RNLS: variants seen among roughly 807,000 people sequenced by gnomAD.
The protein encoded by RNLS is renalase, FAD dependent amine oxidase.
RNLS carries 39 observed loss-of-function variants against 39.8 expected under a neutral mutation model. The observed-to-expected ratio is 0.98, with a 90% confidence interval of 0.76 to 1.28. The LOEUF (loss-of-function observed/expected upper bound fraction) is 1.28. Ranked by LOEUF, RNLS falls within the 50% of genes most tolerant of loss-of-function variation. RNLS has a pLI of 0.00. For synonymous variants in RNLS, 147 were observed against 150.7 expected (o/e 0.98, Z 0.18); for missense variants, 410 against 413.3 (o/e 0.99, Z 0.07).
chr10:88,395,825 G>A (rs763640454), intron 4 of RNLS, among the ~76,000 whole-genome samples: 1 of 152,032 alleles, frequency 6.6e-6, no homozygotes. Flanking sequence ...AAGACAAAGA[G>A]AATCTTGAAG....
Position 88,331,483 on chromosome 10 carries a change from A to T in RNLS, c.701-16842T>A, listed in dbSNP as rs370847052. 2.0e-5 allele frequency among the ~76,000 whole-genome samples: 3 copies of T among 152,248 alleles called. No individual in the cohort carries two copies. The East Asian group carries it at 5.8e-4, about 29-fold the overall frequency. ...ATTTGTTGCCATGAGACACAGTATT[A>T]AGGTCTTTCAAGAGTTTACATCTTA... On this transcript the variant is annotated intron_variant, in intron 5 of 6. Transcript: ENST00000331772.
chr10:88,427,211 T>C (rs1003927800), intron 4 of RNLS, among the ~76,000 whole-genome samples: 1 of 152,030 alleles, frequency 6.6e-6, no homozygotes, highest in Non-Finnish European at 1.5e-5. Flanking sequence ...TCATTATCCC[T>C]ACAATTACCT....
At chr10:88,409,481 A>C (rs2133691718) in intron 4 of RNLS, among the ~76,000 whole-genome samples, 1 of 152,286 alleles carries the variant, frequency 6.6e-6, no homozygotes, top group Middle Eastern at 3.4e-3. Flanking sequence ...AGATTCTGTG[A>C]GTCATGAGAG....
Position 88,284,574 on chromosome 10 carries a change from G to A in RNLS, c.*780C>T. ...AACTCGACACAGTCTAAATGCCACA[G>A]CACATACTGGAGAACCCATAAAGTA... On this transcript the variant is annotated 3_prime_UTR_variant, in exon 7 of 7. Coordinates refer to ENST00000331772, the MANE Select transcript of RNLS (RefSeq NM_001031709.3). 9 of 985,174 alleles carry A rather than the reference G, an allele frequency of 9.1e-6. No individual in the cohort carries two copies. Among genetic ancestry groups the A allele is most frequent in the Non-Finnish European group, 1.1e-5 (9 of 829,756 alleles). The allele number at this position is 985,174 out of a possible 1,614,324, so 61.0% of individuals were successfully genotyped here. A position where few individuals can be genotyped will look rare whatever the true frequency, so the allele number is the denominator to read the frequency against.
At chr10:88,387,375 T>G (rs1423891971) in intron 4 of RNLS, among the ~76,000 whole-genome samples, 1 of 151,944 alleles carries the variant, frequency 6.6e-6, no homozygotes, top group Non-Finnish European at 1.5e-5. Context: ...CCAGAAGGAA[T>G]AGAGAGCTCT....
Position 88,284,673 on chromosome 10 carries a change from C to A in RNLS, c.*681G>T. Reference sequence around the variant, plus strand: ...CTCTCTGTTTCTATTTAATTTTTATCTTTCATATTAGGACTGGAATTTGTT... The same window carrying A: ...CTCTCTGTTTCTATTTAATTTTTATATTTCATATTAGGACTGGAATTTGTT... On this transcript the variant is annotated 3_prime_UTR_variant, in exon 7 of 7. Coordinates refer to ENST00000331772, the MANE Select transcript of RNLS (RefSeq NM_001031709.3). 1 of 985,030 alleles carries A rather than the reference C, an allele frequency of 1.0e-6. No individual in the cohort carries two copies. Among genetic ancestry groups the A allele is most frequent in the Non-Finnish European group, 1.2e-6 (1 of 829,664 alleles). 61.0% of individuals were successfully genotyped at this position (985,030 alleles called of 1,614,324 possible).
At chr10:88,362,071 A>G (rs1324271749) in intron 5 of RNLS, among the ~76,000 whole-genome samples, 2 of 152,194 alleles carry the variant, frequency 1.3e-5, no homozygotes, top group East Asian at 3.8e-4. Context: ...ATTTTTCCCC[A>G]GATAAAATGT....
the RNLS span, among the ~76,000 whole-genome samples, chr10:88,180,220 A>G: frequency 6.6e-6 from 1 of 152,222 alleles, no homozygotes; most frequent in South Asian, 2.1e-4. Context: ...ACTTATTTTT[A>G]GCTATCTGAA....
the RNLS span, among the ~76,000 whole-genome samples, chr10:88,210,676 A>G: frequency 6.6e-6 from 1 of 152,044 alleles, no homozygotes; most frequent in Non-Finnish European, 1.5e-5. Context: ...CTTGTGGGTT[A>G]GGTAGATTGG....
At chr10:88,235,016 C>T in the RNLS span, among the ~76,000 whole-genome samples, 1 of 152,048 alleles carries the variant, frequency 6.6e-6, no homozygotes, top group African/African-American at 2.4e-5. Context: ...AATCCCAGCA[C>T]TTTGGGAGGC....
intron 4 of RNLS, among the ~76,000 whole-genome samples, chr10:88,439,578 A>G (rs1841597711): frequency 6.6e-6 from 1 of 152,236 alleles, no homozygotes; most frequent in Non-Finnish European, 1.5e-5. Flanking sequence ...AATAAAATTC[A>G]TGGTTGTGTA....
intron 4 of RNLS, among the ~76,000 whole-genome samples, chr10:88,567,654 C>T (rs1849585038): frequency 6.6e-6 from 1 of 152,214 alleles, no homozygotes; most frequent in South Asian, 2.1e-4. Flanking sequence ...TAGTCTCCCA[C>T]TTTGCCTACA....
the RNLS span, among the ~76,000 whole-genome samples, chr10:88,229,617 A>G: frequency 5.9e-5 from 9 of 152,166 alleles, no homozygotes; most frequent in East Asian, 1.7e-3. Flanking sequence ...TAAATTTTAT[A>G]ACATTTTCAT....
At position 88,519,017 on chromosome 10, in the gene RNLS, T is replaced by C. The variant is rs188865857; in HGVS notation, c.526+53886A>G. 8.2e-4 allele frequency among the ~76,000 whole-genome samples: 124 copies of C among 152,140 alleles called. 1 individual carries two copies. The highest frequency in any genetic ancestry group is 2.7e-3 in the Admixed American group (41 of 15,230). On this transcript the variant is annotated intron_variant, in intron 4 of 6. Transcript: ENST00000331772. ...CTAATACTTTCTCCATCTTCCACAT[T>C]AGTGATTCAAAAGCTTGGCTGCTCA...
At chr10:88,478,148 G>T (rs1843932762) in intron 4 of RNLS, among the ~76,000 whole-genome samples, 1 of 152,172 alleles carries the variant, frequency 6.6e-6, no homozygotes, top group Non-Finnish European at 1.5e-5. Context: ...TGGCTCTCAT[G>T]TTATCTTTCA....
intron 4 of RNLS, among the ~76,000 whole-genome samples, chr10:88,368,906 C>A (rs1315197199): frequency 6.6e-6 from 1 of 152,006 alleles, no homozygotes; most frequent in Non-Finnish European, 1.5e-5. Flanking sequence ...TTCACTGTAT[C>A]CTTGCTTATA....
At chr10:88,307,460 A>G in intron 6 of RNLS, among the ~76,000 whole-genome samples, 1 of 152,184 alleles carries the variant, frequency 6.6e-6, no homozygotes, top group East Asian at 1.9e-4. Flanking sequence ...CTAATAAACA[A>G]CTTCAGCAAA....
the RNLS span, among the ~76,000 whole-genome samples, chr10:88,216,968 A>G: frequency 6.6e-6 from 1 of 151,972 alleles, no homozygotes; most frequent in East Asian, 1.9e-4. Context: ...GGCTCTTGGC[A>G]TTCTAGCAGT....
the RNLS span, among the ~76,000 whole-genome samples, chr10:88,225,929 C>T: frequency 0.47 from 70,729 of 151,440 alleles, 16,653 homozygotes; most frequent in East Asian, 0.56. Flanking sequence ...TTTTTTTCAT[C>T]TCACTAAGAA....
Sources: allele counts gnomAD v4.1 joint callset (sites outside exome capture counted in the v4.1 genomes callset), GRCh38; gene constraint gnomAD v4.1.1; transcripts MANE v1.5; gene names NCBI Gene and HGNC (gene_info 2026-07-23, HGNC 2026-07-21).